GPC3: variants seen among roughly 807,000 people sequenced by gnomAD.
GPC3 encodes glypican-3.
A neutral mutation model predicts 34.4 loss-of-function variants in GPC3; 3 were observed. The ratio of observed to expected loss-of-function variants is 0.09; its 90% CI spans 0.04 to 0.23. GPC3 has a LOEUF of 0.23. Ranked by LOEUF, GPC3 falls within the 10% of genes least tolerant of loss-of-function variation. GPC3 has a pLI of 1.00. For synonymous variants in GPC3, 177 were observed against 174.0 expected (o/e 1.02, Z -0.13); for missense variants, 351 against 445.6 (o/e 0.79, Z 1.91).
chrX:133,644,004 T>G (rs141390866), intron 6 of GPC3, among the ~76,000 whole-genome samples: 5,519 of 109,603 alleles, frequency 0.05, 391 homozygotes, highest in African/African-American at 0.18. Context: ...ATTTTTGTAT[T>G]TTTAGTAGAG....
At chrX:133,902,620 G>A (rs948505076) in intron 2 of GPC3, among the ~76,000 whole-genome samples, 2 of 111,598 alleles carry the variant, frequency 1.8e-5, no homozygotes, top group African/African-American at 6.5e-5. Context: ...CTACTTGGGA[G>A]GCTAAGGCAC....
At chrX:133,635,642 G>A (rs2070413115) in intron 6 of GPC3, among the ~76,000 whole-genome samples, 1 of 110,563 alleles carries the variant, frequency 9.0e-6, no homozygotes, top group South Asian at 3.9e-4. Flanking sequence ...TCTAGTTATG[G>A]TGTGCTGAAC....
At chrX:133,635,804 T>A (rs1215192751) in intron 6 of GPC3, among the ~76,000 whole-genome samples, 2 of 104,690 alleles carry the variant, frequency 1.9e-5, no homozygotes, top group Admixed American at 1.0e-4. Context: ...CTATCTCACA[T>A]GGTTATGGGA....
At chrX:133,976,726 T>C in intron 1 of GPC3, among the ~76,000 whole-genome samples, 1 of 109,858 alleles carries the variant, frequency 9.1e-6, no homozygotes, top group Non-Finnish European at 1.9e-5. Context: ...GAGACCAGCC[T>C]GGCCAACGTG....
chrX:133,646,792 C>A (rs2070549179), intron 6 of GPC3, among the ~76,000 whole-genome samples: 1 of 111,676 alleles, frequency 9.0e-6, no homozygotes, highest in South Asian at 3.8e-4. Flanking sequence ...GGGGCTCTGT[C>A]TAAAATAATT....
At chrX:133,899,214 T>C (rs143628016) in intron 2 of GPC3, among the ~76,000 whole-genome samples, 2 of 112,230 alleles carry the variant, frequency 1.8e-5, no homozygotes, top group African/African-American at 6.5e-5. Flanking sequence ...AACCATTTAA[T>C]GGCTCTGGTT....
chrX:133,606,899 A>G (rs2070056723), intron 6 of GPC3, among the ~76,000 whole-genome samples: 1 of 111,653 alleles, frequency 9.0e-6, no homozygotes, highest in South Asian at 3.8e-4. Context: ...TATACATGAA[A>G]AACTATATAT....
chrX:133,699,111 G>A (rs112813558), intron 4 of GPC3, among the ~76,000 whole-genome samples: 4 of 111,717 alleles, frequency 3.6e-5, no homozygotes, highest in South Asian at 3.8e-4. Context: ...TCTAGGCCAC[G>A]TGTGGTGGCT....
chrX:133,869,670 G>A (rs1045686939), intron 2 of GPC3, among the ~76,000 whole-genome samples: 4 of 112,150 alleles, frequency 3.6e-5, no homozygotes, highest in South Asian at 3.7e-4. Flanking sequence ...CTGGGTGGCC[G>A]GGCATGGTGG....
chrX:133,973,663 C>T (rs1378132424), intron 1 of GPC3, among the ~76,000 whole-genome samples: 2 of 112,305 alleles, frequency 1.8e-5, no homozygotes, highest in African/African-American at 6.5e-5. Context: ...AAAAATAATA[C>T]ATCTCCATAG....
intron 7 of GPC3, among the ~76,000 whole-genome samples, chrX:133,544,276 G>A (rs1445241950): frequency 9.0e-6 from 1 of 111,448 alleles, no homozygotes; most frequent in African/African-American, 3.3e-5. Flanking sequence ...GGCAACTTGG[G>A]TCACCTGGGC....
intron 2 of GPC3, among the ~76,000 whole-genome samples, chrX:133,821,953 A>C (rs1417960711): frequency 3.6e-5 from 4 of 112,008 alleles, no homozygotes; most frequent in Non-Finnish European, 7.5e-5. Context: ...GGTATACTGC[A>C]GAGTCTATGC....
chrX:133,941,892 T>G (rs193248420), intron 2 of GPC3, among the ~76,000 whole-genome samples: 5 of 112,366 alleles, frequency 4.4e-5, no homozygotes, highest in African/African-American at 6.4e-5. Context: ...CAAGTTATAC[T>G]TAAATTTTTC....
chrX:133,746,082 G>A (rs982597451), intron 3 of GPC3, among the ~76,000 whole-genome samples: 1 of 112,268 alleles, frequency 8.9e-6, no homozygotes, highest in Non-Finnish European at 1.9e-5. Flanking sequence ...TTGGGACTCA[G>A]GGATCTGGCA....
intron 4 of GPC3, among the ~76,000 whole-genome samples, chrX:133,698,536 G>A (rs1041309863): frequency 8.9e-6 from 1 of 112,139 alleles, no homozygotes; most frequent in African/African-American, 3.2e-5. Flanking sequence ...ATAAGGCAAA[G>A]GGCTTTTCAA....
chrX:133,901,554 C>T (rs1398055119), intron 2 of GPC3, among the ~76,000 whole-genome samples: 1 of 111,369 alleles, frequency 9.0e-6, no homozygotes, highest in African/African-American at 3.3e-5. Flanking sequence ...GATTCTCCTG[C>T]CTTAGCCTCC....
intron 2 of GPC3, among the ~76,000 whole-genome samples, chrX:133,861,549 A>G (rs1391100545): frequency 1.8e-5 from 2 of 111,499 alleles, no homozygotes; most frequent in East Asian, 5.6e-4. Flanking sequence ...GGAAAGCCCA[A>G]TTTCATACAG....
chrX:133,616,108 T>C (rs1379205129), intron 6 of GPC3, among the ~76,000 whole-genome samples: 2 of 111,791 alleles, frequency 1.8e-5, no homozygotes, highest in African/African-American at 6.5e-5. Context: ...AGTAAAATCA[T>C]ATTGACAAGT....
chrX:133,978,558 T>C (rs2076525905), intron 1 of GPC3, among the ~76,000 whole-genome samples: 2 of 111,903 alleles, frequency 1.8e-5, no homozygotes, highest in Admixed American at 9.5e-5. Flanking sequence ...ATTAAACTAA[T>C]ATCCTTTATC....
Sources: gnomAD v4.1 joint callset for allele counts (sites outside exome capture counted in the v4.1 genomes callset) on GRCh38, gnomAD v4.1.1 for gene constraint, MANE v1.5 for transcripts, NCBI Gene and HGNC (gene_info 2026-07-23, HGNC 2026-07-21) for gene names.